LRCH3: variants seen among roughly 807,000 people sequenced by gnomAD.
The protein encoded by LRCH3 is leucine rich repeats and calponin homology domain containing 3.
LRCH3 carries 68 observed loss-of-function variants against 104.5 expected under a neutral mutation model. That is an observed-to-expected ratio of 0.65 (90% confidence interval 0.54 to 0.80). The LOEUF (loss-of-function observed/expected upper bound fraction) is 0.80, where lower values mean the gene tolerates loss of function less well. LRCH3 is among the 30% of genes least tolerant of loss of function. LRCH3 has a pLI of 0.00. For synonymous variants in LRCH3, 344 were observed against 361.3 expected (o/e 0.95, Z 0.54); for missense variants, 951 against 953.9 (o/e 1.00, Z 0.04).
rs574293772 is a variant in LRCH3 at position 197,875,041 on chromosome 3, G to A, written c.2131-657G>A. The stretch of plus-strand genomic sequence containing the variant: ...GGGTTCCCGGGTTCAAGTGATTCTC[G>A]TGCCTCAGCCTCCCGAGTAGCTGGG... On this transcript the variant is annotated intron_variant, in intron 19 of 20. Coordinates refer to ENST00000425562, the MANE Select transcript of LRCH3 (RefSeq NM_001365715.1). Among the ~76,000 whole-genome samples, 4 of 103,204 alleles carry A rather than the reference G, an allele frequency of 3.9e-5. 1 individual carries two copies. The highest frequency in any genetic ancestry group is 1.6e-4 in the Admixed American group (2 of 12,132). 67.7% of individuals were successfully genotyped at this position (103,204 alleles called of 152,430 possible).
At chr3:197,866,322 A>C (rs1321445242) in intron 17 of LRCH3, 103 bp downstream of exon 17, 1 of 751,260 alleles carries the variant, frequency 1.3e-6, no homozygotes, top group African/African-American at 1.7e-5. Context: ...GTATAAGACA[A>C]AGCTATCAGC....
rs1182862234 is a variant in LRCH3 at position 197,885,334 on chromosome 3, G to A, written c.*1668G>A. ...AGCACTTACAGCATCTTCCTAGCTG[G>A]GTGTGGTGGCTCACACCTGTAATCT... On this transcript the variant is annotated 3_prime_UTR_variant, in exon 21 of 21. Coordinates refer to ENST00000425562, the MANE Select transcript of LRCH3 (RefSeq NM_001365715.1). 1 of 152,234 alleles carries A rather than the reference G, an allele frequency of 6.6e-6. No individual in the cohort carries two copies. The highest frequency in any genetic ancestry group is 1.5e-5 in the Non-Finnish European group (1 of 68,086). 9.4% of individuals were successfully genotyped at this position (152,234 alleles called of 1,614,324 possible). A position where few individuals can be genotyped will look rare whatever the true frequency, so the allele number is the denominator to read the frequency against.
intron 3 of LRCH3, 140 bp from the exon 4 acceptor site, chr3:197,820,185 G>A: frequency 1.5e-6 from 1 of 646,336 alleles, no homozygotes; most frequent in East Asian, 2.8e-5. Flanking sequence ...CCTGTAGGTA[G>A]TCTCTTTTCA....
chr3:197,807,047 A>C (rs955299232), intron 1 of LRCH3, among the ~76,000 whole-genome samples: 24 of 151,466 alleles, frequency 1.6e-4, no homozygotes, highest in East Asian at 7.9e-4. Flanking sequence ...TCAAAAAAAA[A>C]AAACAAACAA....
chr3:197,824,878 A>G (rs564945794), intron 4 of LRCH3, among the ~76,000 whole-genome samples: 1 of 152,176 alleles, frequency 6.6e-6, no homozygotes, highest in African/African-American at 2.4e-5. Context: ...CCTGCTGCCC[A>G]GCTTTCTTTC....
At position 197,866,032 on chromosome 3, in the gene LRCH3, C is replaced by T. The variant is rs548528105; in HGVS notation, c.1766-80C>T. 2.2e-4 allele frequency: 214 copies of T among 990,778 alleles called. No homozygotes were observed. The African/African-American group carries it at 3.6e-3, about 17-fold the overall frequency. The allele number at this position is 990,778 out of a possible 1,614,324, so 61.4% of individuals were successfully genotyped here. A position where few individuals can be genotyped will look rare whatever the true frequency, so the allele number is the denominator to read the frequency against. ...ATATCATTGCCATGTTTATTTTTTA[C>T]TTGTTACTTTTGTAACTTGTATGTC... On this transcript the variant is annotated intron_variant, in intron 16 of 20. Transcript: ENST00000425562.
intron 17 of LRCH3, 45 bp from the exon 18 acceptor site, chr3:197,870,115 G>T (rs760183764): frequency 3.8e-6 from 6 of 1,598,714 alleles, no homozygotes; most frequent in African/African-American, 1.3e-5. Flanking sequence ...TGTTCTCCTA[G>T]CACTGCCAGT....
At chr3:197,820,880 A>G (rs961670897) in intron 4 of LRCH3, among the ~76,000 whole-genome samples, 4 of 151,692 alleles carry the variant, frequency 2.6e-5, no homozygotes, top group South Asian at 2.1e-4. Flanking sequence ...GTGAGAGAGT[A>G]TGTGTGTGTT....
intron 19 of LRCH3, among the ~76,000 whole-genome samples, chr3:197,874,281 C>T (rs1323472537): frequency 6.6e-6 from 1 of 152,258 alleles, no homozygotes; most frequent in East Asian, 1.9e-4. Context: ...CATCACCACC[C>T]GAGCTCTGCC....
intron 9 of LRCH3, among the ~76,000 whole-genome samples, chr3:197,838,419 G>A (rs1282436408): frequency 1.3e-5 from 2 of 152,178 alleles, no homozygotes; most frequent in Admixed American, 6.5e-5. Context: ...CTAATGATGT[G>A]TGATATACCT....
At chr3:197,819,878 T>A (rs995156513) in intron 3 of LRCH3, among the ~76,000 whole-genome samples, 4 of 151,876 alleles carry the variant, frequency 2.6e-5, no homozygotes, top group Non-Finnish European at 4.4e-5. Context: ...TTTTTCTTTT[T>A]AAAAAAAAGA....
chr3:197,812,750 C>CG (rs1328932821), intron 1 of LRCH3, among the ~76,000 whole-genome samples: 2 of 151,794 alleles, frequency 1.3e-5, no homozygotes, highest in African/African-American at 4.8e-5. Context: ...TTTGTGGAGA[C>CG]GGGGTTTCGC....
At chr3:197,860,614 T>C (rs1740764912) in intron 15 of LRCH3, among the ~76,000 whole-genome samples, 1 of 116,098 alleles carries the variant, frequency 8.6e-6, no homozygotes, top group Non-Finnish European at 1.9e-5. Context: ...TTTTTTACTT[T>C]TTAATTTTTG....
chr3:197,840,945 G>A (rs75046914), intron 10 of LRCH3, among the ~76,000 whole-genome samples: 2,451 of 152,098 alleles, frequency 0.016, 84 homozygotes, highest in African/African-American at 0.056. Context: ...CCCCTCTCAC[G>A]TCCTGCATCC....
chr3:197,809,949 A>G (rs1243823290), intron 1 of LRCH3, among the ~76,000 whole-genome samples: 3 of 151,968 alleles, frequency 2.0e-5, no homozygotes, highest in African/African-American at 7.3e-5. Context: ...TCAGTTGTGC[A>G]TTTTGGGGAT....
chr3:197,854,127 C>G lies in LRCH3; in HGVS notation c.1591-265C>G, dbSNP rs2109427550. Among the ~76,000 whole-genome samples, 1 of 152,332 alleles carries G rather than the reference C, an allele frequency of 6.6e-6. No homozygotes were observed. The highest frequency in any genetic ancestry group is 2.4e-5 in the African/African-American group (1 of 41,572). On this transcript the variant is annotated intron_variant, in intron 13 of 20. Transcript: ENST00000425562. The surrounding 1 kb of genome is among the most constrained non-coding windows in gnomAD (Gnocchi z 4.5). Reference sequence around the variant, plus strand: ...TATTGTTACATCTCTCTCCAGCTTTCTGTTCCCTCCTTGCTTTGTAAGGTT... The same window carrying G: ...TATTGTTACATCTCTCTCCAGCTTTGTGTTCCCTCCTTGCTTTGTAAGGTT...
At chr3:197,867,465 C>T (rs1711504479) in intron 17 of LRCH3, among the ~76,000 whole-genome samples, 1 of 152,064 alleles carries the variant, frequency 6.6e-6, no homozygotes, top group Non-Finnish European at 1.5e-5. Flanking sequence ...GCCTGTAATC[C>T]TCGCACTTTG....
At chr3:197,814,765 A>G (rs1015615695) in intron 1 of LRCH3, 143 bp from the exon 2 acceptor site, 3 of 583,892 alleles carry the variant, frequency 5.1e-6, no homozygotes, top group Non-Finnish European at 8.5e-6. Flanking sequence ...TCTTTGATAT[A>G]ATTTGTAAGC....
At chr3:197,796,786 C>T (rs1731253710) in intron 1 of LRCH3, among the ~76,000 whole-genome samples, 1 of 152,090 alleles carries the variant, frequency 6.6e-6, no homozygotes, top group African/African-American at 2.4e-5. Flanking sequence ...TACATTTGAC[C>T]CTAAAATTTG....
Sources: allele counts gnomAD v4.1 joint callset (sites outside exome capture counted in the v4.1 genomes callset), GRCh38; gene constraint gnomAD v4.1.1; non-coding constraint Gnocchi (gnomAD v3.1); transcripts MANE v1.5; gene names NCBI Gene and HGNC (gene_info 2026-07-23, HGNC 2026-07-21).